PTCRA: variants seen among roughly 807,000 people sequenced by gnomAD.
The protein encoded by PTCRA is pre T cell antigen receptor alpha, also known as pre T-cell antigen receptor alpha.
PTCRA carries 9 observed loss-of-function variants against 13.4 expected under a neutral mutation model. The observed-to-expected ratio is 0.67, with a 90% CI of 0.41 to 1.18. The LOEUF (loss-of-function observed/expected upper bound fraction) is 1.18, where lower values mean the gene tolerates loss of function less well. Ranked by LOEUF, PTCRA falls within the 50% of genes most tolerant of loss-of-function variation. The pLI, the probability that PTCRA is intolerant of heterozygous loss-of-function variation, is 0.01. For missense variants in PTCRA, 353 were observed against 359.8 expected, an observed-to-expected ratio of 0.98 and a Z score of 0.15; for synonymous variants, 153 against 161.9, an observed-to-expected ratio of 0.94 and a Z score of 0.42.
chr6:42,925,794 C>A lies in PTCRA; in HGVS notation c.*112C>A. ...CCCAGTTACAGGGGCATTTAGGGAGCAGATGACTGAGAACATTAAAAAAGA... is the reference window on the plus strand; with the variant it reads ...CCCAGTTACAGGGGCATTTAGGGAGAAGATGACTGAGAACATTAAAAAAGA... On this transcript the variant is annotated 3_prime_UTR_variant, in exon 4 of 4. Transcript: ENST00000304672. The surrounding 1 kb of genome is among the most constrained non-coding windows in gnomAD (Gnocchi z 4.4). 1.6e-6 allele frequency: 1 copy of A among 606,448 alleles called. No homozygotes were observed. Among genetic ancestry groups the A allele is most frequent in the African/African-American group, 1.9e-5 (1 of 52,788 alleles). The allele number at this position is 606,448 out of a possible 1,614,324, so 37.6% of individuals were successfully genotyped here.
rs989168135 is a variant in PTCRA, at chr6:42,925,298, G to T, written c.462G>T (p.Arg154=). 1.1e-5 allele frequency: 18 copies of T among 1,589,096 alleles called. No homozygotes were observed. Among genetic ancestry groups the T allele is most frequent in the Non-Finnish European group, 1.4e-5 (16 of 1,174,828 alleles). ...GGGCGCTGTGGCTGGGGGTCCTGCG[G>T]CTGCTGCTCTTCAAGCTGCTGCTGT... ...PGGALWLGVL[R]LLLFKLLLFD... is the part of the protein sequence containing the mutation. The change falls in exon 4 of 4, where the codon CGG becomes CGT. Residue 154 remains arginine (R), a synonymous_variant. Coordinates refer to ENST00000304672, the MANE Select transcript of PTCRA (RefSeq NM_138296.3). This position sits in a 1 kb window ranked among gnomAD's most constrained non-coding sequence, Gnocchi z 4.4.
intron 1 of PTCRA, among the ~76,000 whole-genome samples, chr6:42,916,734 C>G (rs1475222055): frequency 6.6e-6 from 1 of 152,174 alleles, no homozygotes; most frequent in African/African-American, 2.4e-5. Flanking sequence ...CCAGCTTCAT[C>G]TAGAAGCATG....
chr6:42,917,487 G>C lies in PTCRA; in HGVS notation c.58+1360G>C, dbSNP rs553185460. 2.0e-5 allele frequency among the ~76,000 whole-genome samples: 3 copies of C among 147,396 alleles called. No individual in the cohort carries two copies. In the South Asian group the frequency reaches 6.4e-4, roughly 31 times the overall value. ...TCCGCCCGCCTCAGCCTCCCAAAGT[G>C]CTGGGATTACAGACGTGAGCCACCT... On this transcript the variant is annotated intron_variant, in intron 1 of 3. Transcript: ENST00000304672.
chr6:42,917,711 G>A (rs1187082234), intron 1 of PTCRA, among the ~76,000 whole-genome samples: 5 of 150,222 alleles, frequency 3.3e-5, no homozygotes, highest in Non-Finnish European at 7.4e-5. Flanking sequence ...CATCATGCCC[G>A]GCTAATTTTT....
intron 1 of PTCRA, among the ~76,000 whole-genome samples, chr6:42,921,183 C>A (rs983008659): frequency 2.9e-4 from 44 of 151,996 alleles, no homozygotes; most frequent in African/African-American, 9.9e-4. Context: ...CTCACTGCAA[C>A]CTCCGCCTCT....
intron 1 of PTCRA, 55 bp downstream of exon 1, chr6:42,916,182 C>T: frequency 6.5e-7 from 1 of 1,542,200 alleles, no homozygotes; most frequent in Non-Finnish European, 9.0e-7. Flanking sequence ...CGAAGCCCAT[C>T]CCCTCACTCT....
At chr6:42,924,184 C>T (rs1011078394) in intron 2 of PTCRA, 45 bp from the exon 3 acceptor site, 17 of 1,554,982 alleles carry the variant, frequency 1.1e-5, no homozygotes, top group Non-Finnish European at 1.5e-5. Flanking sequence ...CTCCAGAGTG[C>T]ATGGCCCATC....
intron 3 of PTCRA, 60 bp downstream of exon 3, chr6:42,924,333 G>C: frequency 1.3e-6 from 2 of 1,481,560 alleles, no homozygotes; most frequent in East Asian, 2.3e-5. Context: ...TTGGGCCCGG[G>C]GGGTGGGGCC....
At chr6:42,922,019 C>T (rs979281821) in intron 1 of PTCRA, among the ~76,000 whole-genome samples, 11 of 151,744 alleles carry the variant, frequency 7.2e-5, no homozygotes, top group African/African-American at 2.7e-4. Flanking sequence ...AGCAAGACTC[C>T]GTCTCAAAAA....
At position 42,925,402 on chromosome 6, in the gene PTCRA, G is replaced by A. The variant is rs111782749; in HGVS notation, c.566G>A (p.Arg189Gln). 2,272 of 1,554,542 alleles carry A rather than the reference G, an allele frequency of 1.5e-3. 27 individuals carry two copies. In the African/African-American group the frequency reaches 0.024, roughly 16 times the overall value. The change falls in exon 4 of 4, where the codon CGA becomes CAA. Residue 189 changes from arginine (R) to glutamine (Q), a missense_variant. Coordinates refer to ENST00000304672, the MANE Select transcript of PTCRA (RefSeq NM_138296.3). This position sits in a 1 kb window ranked among gnomAD's most constrained non-coding sequence, Gnocchi z 4.4. ...TCCCCCGCAACCACCACCCGCCTGC[G>A]AGCCCTCGGCTCCCATCGACTGCAC... ...LPSPATTTRL[R>Q]ALGSHRLHPA...
At chr6:42,917,311 C>T (rs1441024845) in intron 1 of PTCRA, among the ~76,000 whole-genome samples, 2 of 148,824 alleles carry the variant, frequency 1.3e-5, no homozygotes, top group African/African-American at 4.9e-5. Flanking sequence ...CAACCTCCAC[C>T]TCCCGGGTTC....
intron 1 of PTCRA, chr6:42,922,127 G>GT (rs1767199920): frequency 4.5e-6 from 3 of 668,086 alleles, no homozygotes; most frequent in Non-Finnish European, 8.1e-6. Context: ...ATTAACAAAC[G>GT]TTTAACATTT....
chr6:42,920,277 G>C (rs1481487057), intron 1 of PTCRA, among the ~76,000 whole-genome samples: 1 of 150,838 alleles, frequency 6.6e-6, no homozygotes, highest in Non-Finnish European at 1.5e-5. Flanking sequence ...CCGAGATCGC[G>C]CCACTGCACT....
At chr6:42,923,899 T>G (rs1226902366) in intron 2 of PTCRA, among the ~76,000 whole-genome samples, 1 of 152,230 alleles carries the variant, frequency 6.6e-6, no homozygotes. Flanking sequence ...ATTATCTCAA[T>G]TTTGTCATCT....
chr6:42,920,373 T>C lies in PTCRA; in HGVS notation c.59-2654T>C, dbSNP rs1767096002. On this transcript the variant is annotated intron_variant, in intron 1 of 3. Coordinates refer to ENST00000304672, the MANE Select transcript of PTCRA (RefSeq NM_138296.3). ...AAGATTGTGGGAAATAGGGATTATT[T>C]TGGAAAATATAGGAAAAATGTTTGT... Among the ~76,000 whole-genome samples, 4 of 151,938 alleles carry C rather than the reference T, an allele frequency of 2.6e-5. No homozygotes were observed. The South Asian group carries it at 8.3e-4, about 32-fold the overall frequency.
chr6:42,925,092 G>GTATTTATTAT lies in PTCRA; in HGVS notation c.425-166_425-165insTTATTATTAT. ...ATAAAATAAAATGAAGGCCAGGAAG[G>GTATTTATTAT]TATGTATTATTACCAGTAAGAACGG... On this transcript the variant is annotated intron_variant, in intron 3 of 3. Coordinates refer to ENST00000304672, the MANE Select transcript of PTCRA (RefSeq NM_138296.3). The surrounding 1 kb of genome is among the most constrained non-coding windows in gnomAD (Gnocchi z 4.4). The GTATTTATTAT allele has an allele frequency of 1.2e-6, 1 of 840,328 alleles. No individual in the cohort carries two copies. The highest frequency in any genetic ancestry group is 1.8e-5 in the South Asian group (1 of 55,428). 52.1% of individuals were successfully genotyped at this position (840,328 alleles called of 1,614,324 possible).
At chr6:42,922,972 T>A (rs1264592215) in intron 1 of PTCRA, 55 bp from the exon 2 acceptor site, 1 of 1,543,300 alleles carries the variant, frequency 6.5e-7, no homozygotes, top group African/African-American at 1.4e-5. Flanking sequence ...AACACAATGC[T>A]GGCCTGGGAG....
chr6:42,917,515 C>A (rs1766931996), intron 1 of PTCRA, among the ~76,000 whole-genome samples: 1 of 142,808 alleles, frequency 7.0e-6, no homozygotes, highest in East Asian at 2.0e-4. Flanking sequence ...AGCCACCTCA[C>A]CCAGCCCGTT....
In PTCRA at chr6:42,925,691, C is replaced by G. The variant is rs891425718; in HGVS notation, c.*9C>G. On this transcript the variant is annotated 3_prime_UTR_variant, in exon 4 of 4. Transcript: ENST00000304672. The surrounding 1 kb of genome is among the most constrained non-coding windows in gnomAD (Gnocchi z 4.4). Reference sequence around the variant, plus strand: ...AGGCTGGAGCTGCCTGAGGGCAGGGCTCTACCTCCCCTGCGTCACACTGTG... The same window carrying G: ...AGGCTGGAGCTGCCTGAGGGCAGGGGTCTACCTCCCCTGCGTCACACTGTG... 1.3e-6 allele frequency: 2 copies of G among 1,499,440 alleles called. No individual in the cohort carries two copies. Among genetic ancestry groups the G allele is most frequent in the African/African-American group, 2.8e-5 (2 of 71,402 alleles). 92.9% of individuals were successfully genotyped at this position (1,499,440 alleles called of 1,614,324 possible).
Sources: allele counts gnomAD v4.1 joint callset (sites outside exome capture counted in the v4.1 genomes callset), GRCh38; gene constraint gnomAD v4.1.1; non-coding constraint Gnocchi (gnomAD v3.1); transcripts MANE v1.5; gene names NCBI Gene and HGNC (gene_info 2026-07-23, HGNC 2026-07-21).